The following RHOBTB2 variants were observed in gnomAD, a reference collection of about 807,000 sequenced individuals.
The protein encoded by RHOBTB2 is rho-related BTB domain-containing protein 2.
In RHOBTB2, 39 loss-of-function variants were observed where a neutral mutation model predicts 66.5. The ratio of observed to expected loss-of-function variants is 0.59; its 90% CI spans 0.45 to 0.77. RHOBTB2 has a LOEUF of 0.77. RHOBTB2 is among the 30% of genes least tolerant of loss of function. RHOBTB2 has a pLI of 0.00. For missense variants in RHOBTB2, 755 were observed against 999.1 expected (o/e 0.76, Z 3.29); for synonymous variants, 390 against 395.0 (o/e 0.99, Z 0.15).
rs1382794393 is a variant in RHOBTB2 at position 23,007,587 on chromosome 8, A to T, written c.1342A>T (p.Ile448Phe). ...TGAGAACGAGCGTGACCTCATGCAC[A>T]TTGCCCACATTGCTGAGCTGCTCGA... ...LDENERDLMH[I>F]AHIAELLEVF... Residue 448 changes from isoleucine to phenylalanine, a missense_variant, in exon 5 of 10, where the codon ATT becomes TTT. Physicochemically the swap from Ile to Phe is conservative, Grantham distance 21. This residue lies in a region of RHOBTB2 where 353 missense variants were observed against 458.2 expected (regional missense o/e 0.77). Coordinates refer to ENST00000251822, the MANE Select transcript of RHOBTB2 (RefSeq NM_015178.3). The T allele has an allele frequency of 6.2e-7, 1 of 1,614,184 alleles. No homozygotes were observed. The highest frequency in any genetic ancestry group is 8.5e-7 in the Non-Finnish European group (1 of 1,180,030).
chr8:22,980,900 A>G, the RHOBTB2 span, among the ~76,000 whole-genome samples: 4 of 152,224 alleles, frequency 2.6e-5, no homozygotes, highest in East Asian at 3.8e-4. Flanking sequence ...CCCAAAAACA[A>G]TATTTTTAAA....
Position 23,017,263 on chromosome 8 carries a change from T to G in RHOBTB2, c.1978T>G (p.Tyr660Asp). 19 of 1,613,614 alleles carry G rather than the reference T, an allele frequency of 1.2e-5. No homozygotes were observed. Among genetic ancestry groups the G allele is most frequent in the Non-Finnish European group, 1.3e-5 (15 of 1,179,924 alleles). The change falls in exon 10 of 10, where the codon TAT becomes GAT. Residue 660 changes from tyrosine to aspartate, a missense_variant. Tyr to Asp is a radical substitution (Grantham distance 160, BLOSUM62 -3). Around this residue, in one of 7 missense-constraint regions of RHOBTB2, gnomAD observed 353 missense variants for 458.2 expected, o/e 0.77. Transcript: ENST00000251822. The surrounding 1 kb of genome is among the most constrained non-coding windows in gnomAD (Gnocchi z 5.3). ...MKAMSPENQE[Y>D]FEKHRWPPVW... is the part of the protein sequence containing the mutation. Reference sequence around the variant, plus strand: ...GCTCTCTGCTCCAGAAAACCAGGAGTATTTCGAGAAGCATCGGTGGCCACC... The same window carrying G: ...GCTCTCTGCTCCAGAAAACCAGGAGGATTTCGAGAAGCATCGGTGGCCACC...
chr8:22,972,390 C>T, the RHOBTB2 span, among the ~76,000 whole-genome samples: 1 of 152,084 alleles, frequency 6.6e-6, no homozygotes, highest in Admixed American at 6.5e-5. Flanking sequence ...TCAAAAGTGC[C>T]CAGACCCCAC....
rs1810944747 is a variant in RHOBTB2, at chr8:23,006,175, CATGG to C, written c.482+35_482+38del. On this transcript the variant is annotated intron_variant, in intron 4 of 9. Coordinates refer to ENST00000251822, the MANE Select transcript of RHOBTB2 (RefSeq NM_015178.3). The surrounding 1 kb of genome is among the most constrained non-coding windows in gnomAD (Gnocchi z 6.1). ...GAGGTGCTGGTACCAAGGAGACAGACATGGATGGGTGCCTCACCATGGCTCCCTG... is the reference window on the plus strand; with the variant it reads ...GAGGTGCTGGTACCAAGGAGACAGACATGGGTGCCTCACCATGGCTCCCTG... 2 of 1,584,504 alleles carry C rather than the reference CATGG, an allele frequency of 1.3e-6. No homozygotes were observed. The highest frequency in any genetic ancestry group is 2.7e-5 in the African/African-American group (2 of 74,436).
upstream of RHOBTB2, among the ~76,000 whole-genome samples, chr8:22,996,347 C>T (rs73559705): frequency 0.013 from 1,922 of 152,216 alleles, 38 homozygotes; most frequent in African/African-American, 0.043. Flanking sequence ...GCTACAGCCA[C>T]GCAGCCAGGC....
At chr8:22,978,759 G>A in the RHOBTB2 span, among the ~76,000 whole-genome samples, 753 of 151,656 alleles carry the variant, frequency 5.0e-3, 1 homozygote, top group Middle Eastern at 0.024. Flanking sequence ...AATCATTTAC[G>A]AGTAAATATC....
upstream of RHOBTB2, chr8:22,984,847 C>A (rs1165832870): frequency 1.3e-5 from 2 of 152,044 alleles, no homozygotes; most frequent in African/African-American, 2.4e-5. Flanking sequence ...TCACTTGAAC[C>A]TGGGAGGCAG....
At chr8:23,014,822 ACT>A in intron 8 of RHOBTB2, 44 bp downstream of exon 8, 1 of 1,501,720 alleles carries the variant, frequency 6.7e-7, no homozygotes, top group African/African-American at 1.4e-5. Context: ...TCAGTTCTAC[ACT>A]CTGCCTGCCC....
chr8:23,000,141 G>T, intron 1 of RHOBTB2, 36 bp downstream of exon 1: 1 of 985,240 alleles, frequency 1.0e-6, no homozygotes, highest in Non-Finnish European at 1.2e-6. Context: ...TGGCGGGGTG[G>T]CCAGCAGCCC....
chr8:22,955,397 C>T, the RHOBTB2 span, among the ~76,000 whole-genome samples: 1 of 152,010 alleles, frequency 6.6e-6, no homozygotes, highest in Non-Finnish European at 1.5e-5. Context: ...CCGAGGTTTA[C>T]CGAATGCCAA....
chr8:22,996,494 CTGGTGTGTGTGTGTGT>C, upstream of RHOBTB2, among the ~76,000 whole-genome samples: 1 of 105,632 alleles, frequency 9.5e-6, no homozygotes, highest in Middle Eastern at 6.3e-3. Context: ...GCAGAGAGGG[CTGGTGTGTGTGTGTGT>C]GTGTGTGTGT....
At chr8:22,979,506 T>G in the RHOBTB2 span, among the ~76,000 whole-genome samples, 1 of 152,094 alleles carries the variant, frequency 6.6e-6, no homozygotes, top group East Asian at 1.9e-4. Flanking sequence ...ACCACACAGA[T>G]TCTATCTTAT....
At chr8:22,971,327 G>A in the RHOBTB2 span, among the ~76,000 whole-genome samples, 7 of 150,438 alleles carry the variant, frequency 4.7e-5, no homozygotes, top group Non-Finnish European at 7.4e-5. Context: ...TGCAGCTACC[G>A]GCATGTGTCA....
the RHOBTB2 span, among the ~76,000 whole-genome samples, chr8:22,971,438 A>G: frequency 1.4e-5 from 2 of 147,194 alleles, no homozygotes; most frequent in Non-Finnish European, 3.0e-5. Flanking sequence ...TTACATCTCG[A>G]CCTCCCAAAG....
chr8:22,995,587 G>T (rs1327784686), upstream of RHOBTB2, among the ~76,000 whole-genome samples: 2 of 152,262 alleles, frequency 1.3e-5, no homozygotes, highest in East Asian at 3.8e-4. Flanking sequence ...AGTCCCAGAA[G>T]CTTCCTGTAT....
upstream of RHOBTB2, among the ~76,000 whole-genome samples, chr8:22,999,353 A>G (rs1020355215): frequency 9.9e-5 from 15 of 151,154 alleles, no homozygotes; most frequent in Admixed American, 5.3e-4. Flanking sequence ...CGCCAGGTGG[A>G]GGGACCGGCG....
the RHOBTB2 span, among the ~76,000 whole-genome samples, chr8:22,956,755 G>A: frequency 2.1e-4 from 32 of 152,118 alleles, no homozygotes; most frequent in Middle Eastern, 3.2e-3. Flanking sequence ...TCCGCCTCCC[G>A]GATTCAGGCA....
the RHOBTB2 span, among the ~76,000 whole-genome samples, chr8:22,957,279 T>G: frequency 6.6e-6 from 1 of 152,208 alleles, no homozygotes; most frequent in Non-Finnish European, 1.5e-5. Context: ...TAAGGTGGTG[T>G]CTTCCAGGAT....
chr8:22,958,999 G>C, the RHOBTB2 span, among the ~76,000 whole-genome samples: 7 of 152,150 alleles, frequency 4.6e-5, no homozygotes, highest in African/African-American at 1.7e-4. Context: ...CTCCAGGCTA[G>C]TCCAGTAGTC....
Sources: allele counts gnomAD v4.1 joint callset (sites outside exome capture counted in the v4.1 genomes callset), GRCh38; gene constraint gnomAD v4.1.1; regional missense constraint gnomAD v4.1.1; non-coding constraint Gnocchi (gnomAD v3.1); transcripts MANE v1.5; gene names NCBI Gene and HGNC (gene_info 2026-07-23, HGNC 2026-07-21).